ZGRF1: variants seen among roughly 807,000 people sequenced by gnomAD.
ZGRF1 encodes zinc finger GRF-type containing 1, also known as 5'-3' DNA helicase ZGRF1.
In ZGRF1, 196 loss-of-function variants were observed where a neutral mutation model predicts 203.5. That is an observed-to-expected ratio of 0.96 (90% confidence interval 0.86 to 1.08). The LOEUF is 1.08. Ranked by LOEUF, ZGRF1 falls within the 50% of genes least tolerant of loss-of-function variation. The probability of loss-of-function intolerance (pLI) is 0.00; values close to 1 mark genes in which losing one functional copy is unlikely to be tolerated. For synonymous variants in ZGRF1, 809 were observed against 841.3 expected (o/e 0.96, Z 0.66); for missense variants, 2,326 against 2,416.3 (o/e 0.96, Z 0.78).
intron 16 of ZGRF1, among the ~76,000 whole-genome samples, chr4:112,580,870 T>C (rs1196101211): frequency 1.1e-4 from 17 of 151,738 alleles, no homozygotes; most frequent in South Asian, 4.2e-4. Flanking sequence ...GTCAGTGTGG[T>C]GATTCCTCAG....
At chr4:112,588,324 T>C (rs1392607817) in intron 11 of ZGRF1, among the ~76,000 whole-genome samples, 2 of 152,088 alleles carry the variant, frequency 1.3e-5, no homozygotes, top group Admixed American at 6.6e-5. Context: ...AGTGGCAGAG[T>C]CAGGATAAGA....
intron 3 of ZGRF1, among the ~76,000 whole-genome samples, chr4:112,627,103 G>A (rs551266479): frequency 6.6e-5 from 10 of 152,210 alleles, no homozygotes; most frequent in East Asian, 1.9e-4. Context: ...GAGCCACCGC[G>A]CCCAGCCTCA....
chr4:112,601,333 T>C (rs1749938602), intron 10 of ZGRF1, among the ~76,000 whole-genome samples: 1 of 152,072 alleles, frequency 6.6e-6, no homozygotes, highest in Non-Finnish European at 1.5e-5. Context: ...GCAGATCACT[T>C]GAGGCTAGGA....
rs762669540 is a variant in ZGRF1 at position 112,618,763 on chromosome 4, T to C, written c.1279A>G (p.Ile427Val). Residue 427 changes from isoleucine (I) to valine (V), a missense_variant, in exon 6 of 28, where the codon ATA becomes GTA. Ile to Val is a conservative substitution (Grantham distance 29). Transcript: ENST00000505019. ...VTCSSAENDGILSESDIQEDN... is the reference protein window; with the variant it reads ...VTCSSAENDGVLSESDIQEDN... ...TCTTGAATGTCAGATTCTGATAATA[T>C]ACCATCATTTTCTGCACTGCTACAA... 2 of 1,611,260 alleles carry C rather than the reference T, an allele frequency of 1.2e-6. No homozygotes were observed. The highest frequency in any genetic ancestry group is 1.7e-6 in the Non-Finnish European group (2 of 1,179,094).
intron 17 of ZGRF1, 72 bp from the exon 18 acceptor site, chr4:112,562,557 C>T: frequency 1.1e-6 from 1 of 872,808 alleles, no homozygotes; most frequent in Non-Finnish European, 1.9e-6. Context: ...TGTTAAATGC[C>T]CACATAACTC....
intron 3 of ZGRF1, among the ~76,000 whole-genome samples, chr4:112,626,535 T>A (rs2047244360): frequency 6.6e-6 from 1 of 152,234 alleles, no homozygotes; most frequent in Admixed American, 6.5e-5. Context: ...TTTAATTTAG[T>A]GGTCTGTCTC....
chr4:112,618,482 CAG>C lies in ZGRF1; in HGVS notation c.1558_1559del (p.Leu520GlufsTer2). 1 of 1,613,420 alleles carries C rather than the reference CAG, an allele frequency of 6.2e-7. No homozygotes were observed. Among genetic ancestry groups the C allele is most frequent in the Non-Finnish European group, 8.5e-7 (1 of 1,179,764 alleles). On this transcript the variant is annotated frameshift_variant, in exon 6 of 28. Coordinates refer to ENST00000505019, the MANE Select transcript of ZGRF1 (RefSeq NM_018392.5). LOFTEE classifies it high-confidence loss of function. The stretch of plus-strand genomic sequence containing the variant: ...CCAAAAATGGTTGTGTTACATTACT[CAG>C]AGATTCATGAATACTATTAAGACTT... ...NESLNSIHES[L>X]SNVTQPFLEV...
At chr4:112,550,570 A>T (rs1189684362) in intron 22 of ZGRF1, among the ~76,000 whole-genome samples, 1 of 152,044 alleles carries the variant, frequency 6.6e-6, no homozygotes, top group South Asian at 2.1e-4. Flanking sequence ...AGTCTACAGT[A>T]GGCCGGGCGC....
rs925454132 is a variant in ZGRF1, at chr4:112,603,667, C to G, written c.2833G>C (p.Gly945Arg). The G allele has an allele frequency of 1.9e-6, 3 of 1,613,774 alleles. No homozygotes were observed. The highest frequency in any genetic ancestry group is 2.5e-6 in the Non-Finnish European group (3 of 1,179,896). Reference protein sequence around the residue: ...PVEFQGHQVKGSATSGVMVRG... With the variant: ...PVEFQGHQVKRSATSGVMVRG... ...ACCATTACACCACTAGTAGCTGATCCTTTTACTTGATGTCCTTGAAACTCA... is the reference window on the plus strand; with the variant it reads ...ACCATTACACCACTAGTAGCTGATCGTTTTACTTGATGTCCTTGAAACTCA... Residue 945 changes from glycine (G) to arginine (R), a missense_variant, in exon 10 of 28, where the codon GGA becomes CGA. Gly to Arg is a moderately radical substitution (Grantham distance 125). Transcript: ENST00000505019.
intron 21 of ZGRF1, 82 bp downstream of exon 21, chr4:112,554,623 A>C: frequency 1.4e-6 from 1 of 699,184 alleles, no homozygotes; most frequent in Non-Finnish European, 2.5e-6. Context: ...TTCTTCAAAA[A>C]TCAAACTTAA....
chr4:112,574,927 G>A (rs941116817), intron 16 of ZGRF1, among the ~76,000 whole-genome samples: 3 of 151,854 alleles, frequency 2.0e-5, no homozygotes, highest in African/African-American at 7.3e-5. Flanking sequence ...TCGGGAGACT[G>A]AGGCAGAATA....
rs367994635 is a variant in ZGRF1 at position 112,544,779 on chromosome 4, A to G, written c.5598+2506T>C. ...CCATGTGAGGACACAGCAAGAAGGTAGCATCTACAAGCCAATGACCAATGG... is the reference window on the plus strand; with the variant it reads ...CCATGTGAGGACACAGCAAGAAGGTGGCATCTACAAGCCAATGACCAATGG... On this transcript the variant is annotated intron_variant, in intron 24 of 27. Coordinates refer to ENST00000505019, the MANE Select transcript of ZGRF1 (RefSeq NM_018392.5). 3.3e-4 allele frequency among the ~76,000 whole-genome samples: 50 copies of G among 152,328 alleles called. No homozygotes were observed. The East Asian group carries it at 8.3e-3, about 25-fold the overall frequency.
rs751781449 is a variant in ZGRF1, at chr4:112,553,856, G to T, written c.5325C>A (p.Thr1775=). ...RKSIEQHKLG[T]NRTLLKQVRV... ...TTACCTGCTTCAGCAGGGTTCTATT[G>T]GTCCCCAGTTTATGCTGCTCAATGC... is the stretch of plus-strand genomic sequence containing the variant. Residue 1775 remains threonine (T), a synonymous_variant, in exon 22 of 28, where the codon ACC becomes ACA. Transcript: ENST00000505019. 2 of 1,611,438 alleles carry T rather than the reference G, an allele frequency of 1.2e-6. No homozygotes were observed. The highest frequency in any genetic ancestry group is 1.7e-6 in the Non-Finnish European group (2 of 1,179,354).
intron 10 of ZGRF1, 96 bp from the exon 11 acceptor site, chr4:112,589,970 G>A (rs761747178): frequency 9.0e-6 from 8 of 892,650 alleles, no homozygotes; most frequent in African/African-American, 1.7e-5. Context: ...TAAAAATAAT[G>A]ATTTAAAGCA....
intron 16 of ZGRF1, among the ~76,000 whole-genome samples, chr4:112,570,701 C>T (rs1744047167): frequency 6.6e-6 from 1 of 151,868 alleles, no homozygotes; most frequent in South Asian, 2.1e-4. Flanking sequence ...CTAGAAATTC[C>T]TTACATTTTT....
intron 3 of ZGRF1, chr4:112,624,103 C>A (rs2047150760): frequency 5.6e-6 from 2 of 354,588 alleles, no homozygotes; most frequent in Non-Finnish European, 1.0e-5. Context: ...CCGCTCGGGT[C>A]CCCTTCCACG....
chr4:112,587,523 C>T lies in ZGRF1; in HGVS notation c.3534G>A (p.Gly1178=). The stretch of plus-strand genomic sequence containing the variant: ...TTTCACTTGTGTCTCTAAAATGCAT[C>T]CCAGAAACAGCCTCAGCAAAGAAGC... ...TDGFFAEAVS[G]MHFRDTSERQ... is the part of the protein sequence containing the mutation. The change falls in exon 12 of 28, where the codon GGG becomes GGA. Residue 1178 remains glycine, a synonymous_variant. Transcript: ENST00000505019. 1 of 1,613,874 alleles carries T rather than the reference C, an allele frequency of 6.2e-7. No homozygotes were observed. Among genetic ancestry groups the T allele is most frequent in the Non-Finnish European group, 8.5e-7 (1 of 1,179,834 alleles).
At chr4:112,543,681 G>C (rs533902751) in intron 24 of ZGRF1, among the ~76,000 whole-genome samples, 1 of 152,170 alleles carries the variant, frequency 6.6e-6, no homozygotes, top group African/African-American at 2.4e-5. Flanking sequence ...AATATCACAA[G>C]AAAGGTACAA....
intron 11 of ZGRF1, among the ~76,000 whole-genome samples, chr4:112,589,324 G>C (rs1451308951): frequency 6.6e-6 from 1 of 152,020 alleles, no homozygotes; most frequent in Non-Finnish European, 1.5e-5. Flanking sequence ...GGATCCCAAA[G>C]CAAAAAGAGA....
Sources: allele counts gnomAD v4.1 joint callset (sites outside exome capture counted in the v4.1 genomes callset), GRCh38; gene constraint gnomAD v4.1.1; transcripts MANE v1.5; gene names NCBI Gene and HGNC (gene_info 2026-07-23, HGNC 2026-07-21).